Variants in NPFFR1 observed in about 807,000 individuals in gnomAD.
NPFFR1 encodes the protein G-protein coupled receptor 147.
NPFFR1 carries 17 observed loss-of-function variants against 12.7 expected under a neutral mutation model. The ratio of observed to expected loss-of-function variants is 1.34; its 90% CI spans 0.92 to 2.01. The LOEUF (loss-of-function observed/expected upper bound fraction) is 2.01, where lower values mean the gene tolerates loss of function less well. Ranked by LOEUF, NPFFR1 falls within the 30% of genes most tolerant of loss-of-function variation. The pLI, the probability that NPFFR1 is intolerant of heterozygous loss-of-function variation, is 0.00. For missense variants in NPFFR1, 604 were observed against 606.5 expected, an observed-to-expected ratio of 1.00 and a Z score of 0.04; for synonymous variants, 296 against 264.5, an observed-to-expected ratio of 1.12 and a Z score of -1.16.
chr10:70,268,806 A>G (rs1304803201), intron 1 of NPFFR1, among the ~76,000 whole-genome samples: 1 of 152,242 alleles, frequency 6.6e-6, no homozygotes, highest in Non-Finnish European at 1.5e-5. Flanking sequence ...CAAGTAAGTC[A>G]CAAGGGATGC....
chr10:70,274,273 C>A (rs1002678339), intron 1 of NPFFR1, among the ~76,000 whole-genome samples: 1 of 151,940 alleles, frequency 6.6e-6, no homozygotes, highest in Non-Finnish European at 1.5e-5. Flanking sequence ...CATGGTGAAA[C>A]CCTGTCTCTA....
intron 1 of NPFFR1, among the ~76,000 whole-genome samples, chr10:70,283,361 CTT>C (rs1372099866): frequency 3.9e-5 from 6 of 152,060 alleles, no homozygotes; most frequent in African/African-American, 1.4e-4. Flanking sequence ...CTCTCTCTCT[CTT>C]TCACACACAC....
chr10:70,260,453 A>C (rs1251700861), intron 3 of NPFFR1, among the ~76,000 whole-genome samples, 187 bp downstream of exon 3: 1 of 152,294 alleles, frequency 6.6e-6, no homozygotes, highest in African/African-American at 2.4e-5. Context: ...TAGTGTCCTC[A>C]TCAGGTTCCC....
rs1840470662 is a variant in NPFFR1 at position 70,248,292 on chromosome 10, G to C, written c.*6665C>G. 6.6e-6 allele frequency: 1 copy of C among 152,050 alleles called. No homozygotes were observed. The highest frequency in any genetic ancestry group is 1.5e-5 in the Non-Finnish European group (1 of 68,012). The allele number at this position is 152,050 out of a possible 1,614,324, so 9.4% of individuals were successfully genotyped here. A position where few individuals can be genotyped will look rare whatever the true frequency, so the allele number is the denominator to read the frequency against. ...GGGAATAATAATAAATACCTGCTTA[G>C]TTAATTACTTCATTCATTCAACAGA... On this transcript the variant is annotated 3_prime_UTR_variant, in exon 4 of 4. Coordinates refer to ENST00000277942, the MANE Select transcript of NPFFR1 (RefSeq NM_022146.5).
At chr10:70,281,516 G>C (rs1840862183) in intron 1 of NPFFR1, among the ~76,000 whole-genome samples, 1 of 152,066 alleles carries the variant, frequency 6.6e-6, no homozygotes, top group Non-Finnish European at 1.5e-5. Flanking sequence ...CTTGTCTTAG[G>C]GTCTGCTTTC....
chr10:70,282,265 A>G (rs1840871711), intron 1 of NPFFR1, among the ~76,000 whole-genome samples: 1 of 152,084 alleles, frequency 6.6e-6, no homozygotes, highest in Non-Finnish European at 1.5e-5. Flanking sequence ...AATTGCCTGT[A>G]TCTTGCTCTG....
intron 2 of NPFFR1, among the ~76,000 whole-genome samples, chr10:70,263,681 CAAAT>C (rs1840658083): frequency 6.6e-6 from 1 of 151,722 alleles, no homozygotes; most frequent in Admixed American, 6.6e-5. Flanking sequence ...TAGAAGGAAA[CAAAT>C]AAACAAAAGA....
Position 70,283,776 on chromosome 10 carries a change from G to T in NPFFR1, c.-100C>A. The T allele has an allele frequency of 7.3e-7, 1 of 1,369,528 alleles. No individual in the cohort carries two copies. Among genetic ancestry groups the T allele is most frequent in the Non-Finnish European group, 1.0e-6 (1 of 999,764 alleles). 84.8% of individuals were successfully genotyped at this position (1,369,528 alleles called of 1,614,324 possible). A position where few individuals can be genotyped will look rare whatever the true frequency, so the allele number is the denominator to read the frequency against. ...GGACGGTCTCCGGGCACTTGGTTGC[G>T]GGCTGCGCCCCTGCCTCCGCGCTCC... On this transcript the variant is annotated 5_prime_UTR_variant, in exon 1 of 4. Coordinates refer to ENST00000277942, the MANE Select transcript of NPFFR1 (RefSeq NM_022146.5).
Position 70,255,311 on chromosome 10 carries a change from G to A in NPFFR1, c.939C>T (p.Phe313=), listed in dbSNP as rs1256183616. Residue 313 remains phenylalanine, a synonymous_variant, in exon 4 of 4, where the codon TTC becomes TTT. Transcript: ENST00000277942. The surrounding 1 kb of genome is among the most constrained non-coding windows in gnomAD (Gnocchi z 4.2). ...TGTTGAAGAAGGCCAGCCAGTGCGC[G>A]AAGGGGAAGGCGTAGACGGTGACCA... ...LHLVTVYAFP[F]AHWLAFFNSS... The A allele has an allele frequency of 1.9e-6, 3 of 1,582,886 alleles. No homozygotes were observed. Among genetic ancestry groups the A allele is most frequent in the Non-Finnish European group, 2.6e-6 (3 of 1,168,498 alleles).
intron 1 of NPFFR1, among the ~76,000 whole-genome samples, chr10:70,281,710 T>C (rs1170966688): frequency 6.6e-6 from 1 of 152,192 alleles, no homozygotes; most frequent in Non-Finnish European, 1.5e-5. Flanking sequence ...TCCATGTCAA[T>C]AAAGAAAATC....
intron 1 of NPFFR1, among the ~76,000 whole-genome samples, chr10:70,276,335 T>C (rs148553548): frequency 4.5e-4 from 69 of 152,276 alleles, no homozygotes; most frequent in Non-Finnish European, 8.4e-4. Flanking sequence ...CTAGGTTACT[T>C]AACGTTCTCT....
At chr10:70,256,472 C>T (rs1015106320) in intron 3 of NPFFR1, among the ~76,000 whole-genome samples, 1 of 152,180 alleles carries the variant, frequency 6.6e-6, no homozygotes, top group African/African-American at 2.4e-5. Flanking sequence ...CGATTAGGTG[C>T]GTCAAATAAC....
rs1840476153 is a variant in NPFFR1, at chr10:70,248,482, T to TTTTTTTTTTTTTTTTA, written c.*6474_*6475insTAAAAAAAAAAAAAAA. 1 of 93,166 alleles carries TTTTTTTTTTTTTTTTA rather than the reference T, an allele frequency of 1.1e-5. No homozygotes were observed. The highest frequency in any genetic ancestry group is 9.8e-5 in the Admixed American group (1 of 10,172). 5.8% of individuals were successfully genotyped at this position (93,166 alleles called of 1,614,324 possible). A position where few individuals can be genotyped will look rare whatever the true frequency, so the allele number is the denominator to read the frequency against. ...TATGCCTGGCGTTTTTTTTTTGTTT[T>TTTTTTTTTTTTTTTTA]TTGTTTTTTTTTTTTTTTTTTGAGA... On this transcript the variant is annotated 3_prime_UTR_variant, in exon 4 of 4. Coordinates refer to ENST00000277942, the MANE Select transcript of NPFFR1 (RefSeq NM_022146.5).
At chr10:70,278,189 G>T (rs1840824105) in intron 1 of NPFFR1, among the ~76,000 whole-genome samples, 1 of 152,050 alleles carries the variant, frequency 6.6e-6, no homozygotes, top group Non-Finnish European at 1.5e-5. Context: ...GCCAGAACAA[G>T]AGTGAGCCCC....
chr10:70,255,873 C>T lies in NPFFR1; in HGVS notation c.423-46G>A, dbSNP rs541432395. The T allele has an allele frequency of 1.3e-6, 2 of 1,546,852 alleles. No individual in the cohort carries two copies. The highest frequency in any genetic ancestry group is 1.7e-6 in the Non-Finnish European group (2 of 1,143,920). ...GGCGGGATCTGGGTGGGTCCTAGGG[C>T]CCCTGCGAGGGGACGGTGGGTGGGA... is the stretch of plus-strand genomic sequence containing the variant. On this transcript the variant is annotated intron_variant, in intron 3 of 3. Coordinates refer to ENST00000277942, the MANE Select transcript of NPFFR1 (RefSeq NM_022146.5). The surrounding 1 kb of genome is among the most constrained non-coding windows in gnomAD (Gnocchi z 4.2).
chr10:70,270,160 T>C lies in NPFFR1; in HGVS notation c.8-3769A>G, dbSNP rs569006498. Among the ~76,000 whole-genome samples the C allele has an allele frequency of 6.6e-5, 10 of 152,238 alleles. No homozygotes were observed. In the South Asian group the frequency reaches 2.1e-3, roughly 32 times the overall value. On this transcript the variant is annotated intron_variant, in intron 1 of 3. Coordinates refer to ENST00000277942, the MANE Select transcript of NPFFR1 (RefSeq NM_022146.5). ...GCATCTTGTCAGTGCCTGCCCAAAG[T>C]AAATGGTTCAATAAACAGCTAATAA... is the stretch of plus-strand genomic sequence containing the variant.
At position 70,254,329 on chromosome 10, in the gene NPFFR1, GAACA is replaced by G. The variant is rs1840540301; in HGVS notation, c.*624_*627del. The G allele has an allele frequency of 1.3e-5, 2 of 152,168 alleles. No individual in the cohort carries two copies. Among genetic ancestry groups the G allele is most frequent in the Admixed American group, 1.3e-4 (2 of 15,278 alleles). 9.4% of individuals were successfully genotyped at this position (152,168 alleles called of 1,614,324 possible). ...GACAATGGCTTCTTGGAACTTCTTGGAACAAACAAGACAAACCAACACATTAGAG... is the reference window on the plus strand; with the variant it reads ...GACAATGGCTTCTTGGAACTTCTTGGAACAAGACAAACCAACACATTAGAG... On this transcript the variant is annotated 3_prime_UTR_variant, in exon 4 of 4. Coordinates refer to ENST00000277942, the MANE Select transcript of NPFFR1 (RefSeq NM_022146.5).
intron 1 of NPFFR1, among the ~76,000 whole-genome samples, chr10:70,272,233 AAAGAAAGAAAGAAGAAAG>A (rs1420465889): frequency 6.4e-3 from 41 of 6,404 alleles, no homozygotes; most frequent in African/African-American, 0.024. Flanking sequence ...AGAAAGAAAG[AAAGAAAGAAAGAAGAAAG>A]AAGAAAGAAA....
chr10:70,272,744 C>T (rs955674812), intron 1 of NPFFR1, among the ~76,000 whole-genome samples: 15 of 152,266 alleles, frequency 9.9e-5, no homozygotes, highest in African/African-American at 3.4e-4. Flanking sequence ...ATCAGCTCTT[C>T]GCAGTCGAGG....
Sources: allele counts gnomAD v4.1 joint callset (sites outside exome capture counted in the v4.1 genomes callset), GRCh38; gene constraint gnomAD v4.1.1; non-coding constraint Gnocchi (gnomAD v3.1); transcripts MANE v1.5; gene names NCBI Gene and HGNC (gene_info 2026-07-23, HGNC 2026-07-21).